The following FRMD4B variants were observed in gnomAD, a reference collection of about 807,000 sequenced individuals.
FRMD4B encodes the protein FERM domain-containing protein 4B.
FRMD4B carries 74 observed loss-of-function variants against 141.5 expected under a neutral mutation model. That is an observed-to-expected ratio of 0.52 (90% CI 0.43 to 0.63). The LOEUF (loss-of-function observed/expected upper bound fraction) is 0.63, where lower values mean the gene tolerates loss of function less well. Among genes scored for constraint, FRMD4B ranks in the 30% least tolerant of loss-of-function variants. The pLI is 0.00. For synonymous variants in FRMD4B, 506 were observed against 467.9 expected (o/e 1.08, Z -1.05); for missense variants, 1,366 against 1,253.4 (o/e 1.09, Z -1.36).
intron 19 of FRMD4B, among the ~76,000 whole-genome samples, chr3:69,186,304 G>C (rs569178917): frequency 1.5e-5 from 2 of 137,616 alleles, no homozygotes; most frequent in Non-Finnish European, 3.0e-5. Flanking sequence ...GGGGTGGAGT[G>C]ACATGATCAT....
chr3:69,227,162 A>T (rs1006195366), intron 7 of FRMD4B, among the ~76,000 whole-genome samples: 1 of 152,234 alleles, frequency 6.6e-6, no homozygotes, highest in Non-Finnish European at 1.5e-5. Flanking sequence ...TACTCCAGTT[A>T]TAAGATGTTA....
chr3:69,260,334 G>A lies in FRMD4B; in HGVS notation c.502-10235C>T, dbSNP rs184894114. 3.9e-3 allele frequency among the ~76,000 whole-genome samples: 594 copies of A among 152,336 alleles called. 3 individuals are homozygous for A. Among genetic ancestry groups the A allele is most frequent in the African/African-American group, 0.014 (572 of 41,584 alleles). On this transcript the variant is annotated intron_variant, in intron 5 of 22. Transcript: ENST00000398540. ...GAGTTGGCGAGTCAGCACGAGTTCCGGGTGGGCGTGGGCTCGGCAGCCTCT... is the reference window on the plus strand; with the variant it reads ...GAGTTGGCGAGTCAGCACGAGTTCCAGGTGGGCGTGGGCTCGGCAGCCTCT...
In FRMD4B at chr3:69,212,424, T is replaced by C. The variant is rs188788528; in HGVS notation, c.876+3839A>G. On this transcript the variant is annotated intron_variant, in intron 11 of 22. Coordinates refer to ENST00000398540, the MANE Select transcript of FRMD4B (RefSeq NM_015123.3). ...AAAGAAAAAAAGCGATAACAAAAGA[T>C]GGACTGTGTAGGGTCTTTTTAAAAA... Among the ~76,000 whole-genome samples, 877 of 119,938 alleles carry C rather than the reference T, an allele frequency of 7.3e-3. 33 individuals carry two copies. The highest frequency in any genetic ancestry group is 0.065 in the Admixed American group (762 of 11,708). The allele number at this position is 119,938 out of a possible 152,430, so 78.7% of individuals were successfully genotyped here.
chr3:69,529,525 C>A (rs961182379), intron 1 of FRMD4B, among the ~76,000 whole-genome samples: 1 of 152,126 alleles, frequency 6.6e-6, no homozygotes, highest in Non-Finnish European at 1.5e-5. Flanking sequence ...CTCTTCCTAA[C>A]CCCACTGTGC....
intron 22 of FRMD4B, among the ~76,000 whole-genome samples, chr3:69,175,000 T>C (rs2092627543): frequency 6.6e-6 from 1 of 152,144 alleles, no homozygotes; most frequent in Non-Finnish European, 1.5e-5. Context: ...CTATTTTGAG[T>C]ATAGCCTTTG....
At position 69,288,209 on chromosome 3, in the gene FRMD4B, G is replaced by C. The variant is rs180820689; in HGVS notation, c.417-373C>G. Among the ~76,000 whole-genome samples the C allele has an allele frequency of 3.0e-4, 46 of 152,384 alleles. 1 individual carries two copies. In the East Asian group the frequency reaches 4.4e-3, roughly 15 times the overall value. ...AGCGCAGATGAACTAGGAGTTGAAAGCTGAAGTCGGCTGAGCAAGCACTAC... is the reference window on the plus strand; with the variant it reads ...AGCGCAGATGAACTAGGAGTTGAAACCTGAAGTCGGCTGAGCAAGCACTAC... On this transcript the variant is annotated intron_variant, in intron 4 of 22. Transcript: ENST00000398540.
chr3:69,193,096 T>C (rs56031909), intron 17 of FRMD4B, among the ~76,000 whole-genome samples: 2,627 of 152,222 alleles, frequency 0.017, 83 homozygotes, highest in African/African-American at 0.058. Flanking sequence ...GCTGGGATTA[T>C]AGGTGTGGGG....
At chr3:69,212,135 G>T (rs1180378067) in intron 11 of FRMD4B, among the ~76,000 whole-genome samples, 2 of 151,500 alleles carry the variant, frequency 1.3e-5, no homozygotes, top group Admixed American at 6.6e-5. Context: ...CGAGGCAGGT[G>T]GATTGCCTGA....
chr3:69,455,181 C>G (rs770435963), intron 1 of FRMD4B, among the ~76,000 whole-genome samples: 4 of 152,148 alleles, frequency 2.6e-5, no homozygotes, highest in Non-Finnish European at 4.4e-5. Context: ...TAAAATGGAC[C>G]AATCAGCTCC....
chr3:69,428,903 A>C (rs1489923258), intron 2 of FRMD4B, among the ~76,000 whole-genome samples: 3 of 152,136 alleles, frequency 2.0e-5, no homozygotes, highest in African/African-American at 7.2e-5. Flanking sequence ...ATCTCTATGA[A>C]TGTGACTACA....
chr3:69,284,292 A>G (rs1400970874), intron 5 of FRMD4B, among the ~76,000 whole-genome samples: 1 of 152,218 alleles, frequency 6.6e-6, no homozygotes, highest in Non-Finnish European at 1.5e-5. Context: ...GATTCGGTAG[A>G]GCACTCATCA....
chr3:69,392,840 C>T (rs552523109), intron 2 of FRMD4B, among the ~76,000 whole-genome samples: 3 of 152,160 alleles, frequency 2.0e-5, no homozygotes, highest in East Asian at 1.9e-4. Flanking sequence ...GAGGCCCGAG[C>T]GACACAAGTT....
intron 4 of FRMD4B, among the ~76,000 whole-genome samples, chr3:69,289,965 C>A (rs1700818460): frequency 1.3e-5 from 2 of 152,174 alleles, no homozygotes; most frequent in South Asian, 4.1e-4. Context: ...CCTCTCCTTA[C>A]TTCTCCAGAG....
intron 3 of FRMD4B, among the ~76,000 whole-genome samples, chr3:69,306,096 T>A (rs1020559311): frequency 2.6e-5 from 4 of 152,184 alleles, no homozygotes; most frequent in African/African-American, 9.7e-5. Context: ...AATTAGATTT[T>A]AAAAAATCCA....
chr3:69,534,845 C>T (rs972390267), intron 1 of FRMD4B, among the ~76,000 whole-genome samples: 1 of 152,176 alleles, frequency 6.6e-6, no homozygotes, highest in Non-Finnish European at 1.5e-5. Flanking sequence ...GTGGACATAA[C>T]ATCCATCTGA....
At chr3:69,263,396 CT>C (rs67497031) in intron 5 of FRMD4B, among the ~76,000 whole-genome samples, 23,778 of 71,566 alleles carry the variant, frequency 0.33, 1,812 homozygotes, top group Non-Finnish European at 0.36. Context: ...GTTACATGCA[CT>C]TTTTTTTTTT....
chr3:69,221,207 C>G (rs963205336), intron 9 of FRMD4B, among the ~76,000 whole-genome samples: 2 of 152,148 alleles, frequency 1.3e-5, no homozygotes, highest in African/African-American at 4.8e-5. Context: ...AAATGATCCG[C>G]CCTCCTCAGC....
chr3:69,432,543 A>G (rs1705197916), intron 2 of FRMD4B: 1 of 151,986 alleles, frequency 6.6e-6, no homozygotes, highest in Admixed American at 6.6e-5. Context: ...TGACAAGTCA[A>G]TGTGTACTCA....
chr3:69,441,120 G>A (rs1206278175), intron 1 of FRMD4B, among the ~76,000 whole-genome samples: 1 of 152,110 alleles, frequency 6.6e-6, no homozygotes, highest in African/African-American at 2.4e-5. Context: ...TAGCTCCCCT[G>A]AGGCTTTCTG....
Sources: gnomAD v4.1 joint callset for allele counts (sites outside exome capture counted in the v4.1 genomes callset) on GRCh38, gnomAD v4.1.1 for gene constraint, MANE v1.5 for transcripts, NCBI Gene and HGNC (gene_info 2026-07-23, HGNC 2026-07-21) for gene names.